Variants in GPR39 observed in about 807,000 individuals in gnomAD.
The protein encoded by GPR39 is G protein-coupled receptor 39.
GPR39 carries 23 observed loss-of-function variants against 18.4 expected under a neutral mutation model. The ratio of observed to expected loss-of-function variants is 1.25; its 90% CI spans 0.90 to 1.77. GPR39 has a LOEUF of 1.77. Among genes scored for constraint, GPR39 ranks in the 40% most tolerant of loss-of-function variants. The pLI is 0.00. For synonymous variants in GPR39, 280 were observed against 257.9 expected, an observed-to-expected ratio of 1.09 and a Z score of -0.82; for missense variants, 647 against 602.4, an observed-to-expected ratio of 1.07 and a Z score of -0.78.
chr2:132,545,655 CGTGTGTGTGT>C (rs35108024), intron 1 of GPR39, among the ~76,000 whole-genome samples: 4 of 149,746 alleles, frequency 2.7e-5, no homozygotes, highest in Non-Finnish European at 4.5e-5. Context: ...GTGTGATGGG[CGTGTGTGTGT>C]GTGTGTGTGT....
chr2:132,621,169 A>G (rs1681434431), intron 1 of GPR39, among the ~76,000 whole-genome samples: 1 of 152,006 alleles, frequency 6.6e-6, no homozygotes, highest in African/African-American at 2.4e-5. Flanking sequence ...TCAGCCACCC[A>G]TCCCTAGAGT....
chr2:132,639,387 A>G (rs1681820661), intron 1 of GPR39, among the ~76,000 whole-genome samples: 1 of 152,150 alleles, frequency 6.6e-6, no homozygotes, highest in African/African-American at 2.4e-5. Context: ...GAGCAGACAT[A>G]ATAATCACAG....
chr2:132,480,400 AT>A (rs1031402733), intron 1 of GPR39, among the ~76,000 whole-genome samples: 10 of 152,164 alleles, frequency 6.6e-5, no homozygotes, highest in African/African-American at 2.2e-4. Flanking sequence ...AAGATGGTAA[AT>A]TTTTTATTAT....
At chr2:132,588,983 C>T (rs1680780024) in intron 1 of GPR39, among the ~76,000 whole-genome samples, 1 of 147,368 alleles carries the variant, frequency 6.8e-6, no homozygotes, top group Non-Finnish European at 1.5e-5. Flanking sequence ...TCTGATCTCC[C>T]CTTAGAACAG....
intron 1 of GPR39, among the ~76,000 whole-genome samples, chr2:132,552,274 T>G (rs1291351696): frequency 6.6e-6 from 1 of 151,866 alleles, no homozygotes; most frequent in African/African-American, 2.4e-5. Context: ...TGGTCGGAGG[T>G]GTTTGGGTCA....
intron 1 of GPR39, among the ~76,000 whole-genome samples, chr2:132,420,586 A>G (rs1321488026): frequency 6.6e-6 from 1 of 152,172 alleles, no homozygotes; most frequent in African/African-American, 2.4e-5. Context: ...CTTATTTCAA[A>G]CATTTTAAAT....
intron 1 of GPR39, among the ~76,000 whole-genome samples, chr2:132,626,262 A>G (rs955506609): frequency 2.0e-5 from 3 of 152,210 alleles, no homozygotes; most frequent in Non-Finnish European, 4.4e-5. Context: ...TCAACCCATA[A>G]GTACCTTTGA....
At chr2:132,636,225 C>A (rs755606931) in intron 1 of GPR39, among the ~76,000 whole-genome samples, 4 of 152,190 alleles carry the variant, frequency 2.6e-5, no homozygotes, top group Non-Finnish European at 5.9e-5. Context: ...ACCTCATTCT[C>A]TCTTCTGGGA....
At chr2:132,621,523 A>G (rs1392467327) in intron 1 of GPR39, among the ~76,000 whole-genome samples, 3 of 152,138 alleles carry the variant, frequency 2.0e-5, no homozygotes, top group African/African-American at 7.2e-5. Context: ...CAGCACTGCC[A>G]GCTCTCTGTG....
intron 1 of GPR39, among the ~76,000 whole-genome samples, chr2:132,476,841 C>T (rs751539126): frequency 3.3e-5 from 5 of 152,070 alleles, no homozygotes; most frequent in South Asian, 2.1e-4. Flanking sequence ...TTCCTTAGAA[C>T]AGTCATTCGT....
chr2:132,589,241 C>T (rs1320498602), intron 1 of GPR39, among the ~76,000 whole-genome samples: 1 of 152,142 alleles, frequency 6.6e-6, no homozygotes, highest in Non-Finnish European at 1.5e-5. Context: ...CCTCTGCCTT[C>T]TTGGTTACTA....
chr2:132,603,528 T>A (rs1681081868), intron 1 of GPR39, among the ~76,000 whole-genome samples: 1 of 152,150 alleles, frequency 6.6e-6, no homozygotes, highest in Admixed American at 6.5e-5. Context: ...ATTTGGAAAG[T>A]TCCCTACACA....
chr2:132,458,396 T>C (rs1014657047), intron 1 of GPR39, among the ~76,000 whole-genome samples: 2 of 151,910 alleles, frequency 1.3e-5, no homozygotes, highest in Non-Finnish European at 2.9e-5. Context: ...TTCTATCTTA[T>C]CACATTTTCC....
intron 1 of GPR39, among the ~76,000 whole-genome samples, chr2:132,542,506 T>A (rs917742247): frequency 2.0e-5 from 3 of 152,182 alleles, no homozygotes; most frequent in Non-Finnish European, 2.9e-5. Flanking sequence ...ATGAGCCTGC[T>A]ATGAAAAATG....
chr2:132,487,637 CA>C (rs1316409703), intron 1 of GPR39, among the ~76,000 whole-genome samples: 3 of 151,984 alleles, frequency 2.0e-5, no homozygotes, highest in African/African-American at 7.3e-5. Context: ...TTATAATAGT[CA>C]AAATTTAATG....
chr2:132,498,997 A>G (rs1312013832), intron 1 of GPR39, among the ~76,000 whole-genome samples: 1 of 151,376 alleles, frequency 6.6e-6, no homozygotes, highest in Non-Finnish European at 1.5e-5. Flanking sequence ...AAGATTTCCC[A>G]CTCTGTGGGT....
intron 1 of GPR39, among the ~76,000 whole-genome samples, chr2:132,477,434 C>G (rs1025337806): frequency 1.3e-5 from 2 of 152,098 alleles, no homozygotes; most frequent in African/African-American, 4.8e-5. Context: ...GGCATGGTAG[C>G]GCATGCCTGT....
intron 1 of GPR39, among the ~76,000 whole-genome samples, chr2:132,424,888 C>T (rs1680089863): frequency 6.6e-6 from 1 of 152,148 alleles, no homozygotes; most frequent in African/African-American, 2.4e-5. Flanking sequence ...TTGGTTTCTC[C>T]AAGTCTTGCT....
intron 1 of GPR39, among the ~76,000 whole-genome samples, chr2:132,545,655 C>T (rs717434): frequency 0.41 from 61,267 of 149,756 alleles, 13,579 homozygotes; most frequent in African/African-American, 0.6. Context: ...GTGTGATGGG[C>T]GTGTGTGTGT....
Sources: allele counts gnomAD v4.1 joint callset (sites outside exome capture counted in the v4.1 genomes callset), GRCh38; gene constraint gnomAD v4.1.1; transcripts MANE v1.5; gene names NCBI Gene and HGNC (gene_info 2026-07-23, HGNC 2026-07-21).